ZMPSTE24: variants seen among roughly 807,000 people sequenced by gnomAD.
ZMPSTE24 encodes CAAX prenyl protease 1 homolog.
A neutral mutation model predicts 56.7 loss-of-function variants in ZMPSTE24; 48 were observed. The observed-to-expected ratio is 0.85, with a 90% CI of 0.67 to 1.08. The LOEUF (loss-of-function observed/expected upper bound fraction) is 1.08. Ranked by LOEUF, ZMPSTE24 falls within the 50% of genes least tolerant of loss-of-function variation. The pLI is 0.00. For missense variants in ZMPSTE24, 503 were observed against 548.7 expected (o/e 0.92, Z 0.83); for synonymous variants, 172 against 195.2 (o/e 0.88, Z 0.99).
chr1:40,267,607 C>T (rs368932194), intron 2 of ZMPSTE24, among the ~76,000 whole-genome samples, 179 bp from the exon 3 acceptor site: 8 of 147,726 alleles, frequency 5.4e-5, no homozygotes, highest in East Asian at 1.9e-4. Context: ...TGGCCTCAAG[C>T]GATGCTTCTG....
At position 40,271,865 on chromosome 1, in the gene ZMPSTE24, C is replaced by T. The variant is rs760754510; in HGVS notation, c.628-29C>T. ...AATGTTTTTTCTTTAAGAACATGTTCATATGTTATTCTGACATTTACTTTT... is the reference window on the plus strand; with the variant it reads ...AATGTTTTTTCTTTAAGAACATGTTTATATGTTATTCTGACATTTACTTTT... On this transcript the variant is annotated intron_variant, in intron 5 of 9. Coordinates refer to ENST00000372759, the MANE Select transcript of ZMPSTE24 (RefSeq NM_005857.5). The T allele has an allele frequency of 8.1e-6, 13 of 1,610,720 alleles. No homozygotes were observed. In the South Asian group the frequency reaches 1.4e-4, roughly 18 times the overall value.
At chr1:40,261,383 T>C (rs1270068709) in intron 2 of ZMPSTE24, among the ~76,000 whole-genome samples, 1 of 152,010 alleles carries the variant, frequency 6.6e-6, no homozygotes, top group African/African-American at 2.4e-5. Flanking sequence ...ACAGTCTTGC[T>C]CTGTCACCCA....
rs748601004 is a variant in ZMPSTE24, at chr1:40,292,580, G to A, written c.1339G>A (p.Val447Ile). The A allele has an allele frequency of 1.9e-6, 3 of 1,614,120 alleles. No individual in the cohort carries two copies. Among genetic ancestry groups the A allele is most frequent in the East Asian group, 2.2e-5 (1 of 44,870 alleles). The change falls in exon 10 of 10, where the codon GTT (valine) becomes ATT (isoleucine). Residue 447 changes from valine (V) to isoleucine (I), a missense_variant. Coordinates refer to ENST00000372759, the MANE Select transcript of ZMPSTE24 (RefSeq NM_005857.5). ...KLNKDNLGFPVSDWLFSMWHY... is the reference protein window; with the variant it reads ...KLNKDNLGFPISDWLFSMWHY... The stretch of plus-strand genomic sequence containing the variant: ...TAACAAAGATAACTTGGGATTCCCT[G>A]TTTCTGACTGGTTGTTCTCAATGTG...
At chr1:40,272,616 C>T (rs1025153776) in intron 6 of ZMPSTE24, among the ~76,000 whole-genome samples, 13 of 152,124 alleles carry the variant, frequency 8.5e-5, no homozygotes, top group Non-Finnish European at 1.6e-4. Flanking sequence ...GTCTCTTGAC[C>T]GTTACTCAAA....
intron 1 of ZMPSTE24, among the ~76,000 whole-genome samples, chr1:40,260,219 C>T (rs1446515384): frequency 6.6e-6 from 1 of 152,038 alleles, no homozygotes; most frequent in Non-Finnish European, 1.5e-5. Flanking sequence ...TACCACCACA[C>T]TCTGCTAATT....
chr1:40,267,585 G>A (rs1011671398), intron 2 of ZMPSTE24, among the ~76,000 whole-genome samples: 2 of 147,698 alleles, frequency 1.4e-5, no homozygotes, highest in African/African-American at 4.9e-5. Context: ...GCCCAGGCTG[G>A]TCTTGAATTC....
intron 1 of ZMPSTE24, 109 bp from the exon 2 acceptor site, chr1:40,260,730 A>G (rs2124575433): frequency 8.7e-7 from 1 of 1,144,736 alleles, no homozygotes. Flanking sequence ...GGTATAAAGC[A>G]AATTCAACAG....
intron 6 of ZMPSTE24, among the ~76,000 whole-genome samples, chr1:40,280,293 T>A (rs957876289): frequency 3.3e-5 from 5 of 152,166 alleles, no homozygotes; most frequent in African/African-American, 1.2e-4. Flanking sequence ...TTTGCAAACT[T>A]CTTGAACCAC....
At chr1:40,274,383 A>G (rs1003445471) in intron 6 of ZMPSTE24, among the ~76,000 whole-genome samples, 9 of 152,254 alleles carry the variant, frequency 5.9e-5, no homozygotes, top group Admixed American at 3.3e-4. Context: ...AAAGCCAAGA[A>G]TCTTGCTCTC....
intron 6 of ZMPSTE24, among the ~76,000 whole-genome samples, chr1:40,280,908 G>A (rs947899933): frequency 3.9e-5 from 6 of 152,210 alleles, no homozygotes; most frequent in South Asian, 2.1e-4. Context: ...TGCAAAAACC[G>A]CAATTACTTT....
chr1:40,258,481 T>A, intron 1 of ZMPSTE24, 87 bp downstream of exon 1: 2 of 1,601,826 alleles, frequency 1.2e-6, no homozygotes, highest in Admixed American at 3.3e-5. Flanking sequence ...CTTGATTGCT[T>A]CGGTCCCCGC....
intron 7 of ZMPSTE24, among the ~76,000 whole-genome samples, chr1:40,282,141 G>C (rs1029710710): frequency 5.9e-5 from 9 of 152,142 alleles, no homozygotes; most frequent in African/African-American, 2.2e-4. Context: ...AGTCTAAAGG[G>C]GAAATAGTCA....
At chr1:40,261,646 A>G (rs947534636) in intron 2 of ZMPSTE24, among the ~76,000 whole-genome samples, 3 of 152,146 alleles carry the variant, frequency 2.0e-5, no homozygotes, top group Non-Finnish European at 4.4e-5. Context: ...CTGGCATGTA[A>G]TCAGCATATA....
chr1:40,272,050 G>A lies in ZMPSTE24; in HGVS notation c.769+15G>A. 1 of 1,580,200 alleles carries A rather than the reference G, an allele frequency of 6.3e-7. No individual in the cohort carries two copies. Among genetic ancestry groups the A allele is most frequent in the Non-Finnish European group, 8.6e-7 (1 of 1,163,222 alleles). ...TGTTGTGGAAGGTAAGGCTACCTGG[G>A]GATAAGAAAGTTTTATCCAAGTGGT... is the stretch of plus-strand genomic sequence containing the variant. On this transcript the variant is annotated intron_variant, in intron 6 of 9. Coordinates refer to ENST00000372759, the MANE Select transcript of ZMPSTE24 (RefSeq NM_005857.5).
At chr1:40,262,680 C>T (rs1490946250) in intron 2 of ZMPSTE24, 2 of 274,478 alleles carry the variant, frequency 7.3e-6, no homozygotes, top group African/African-American at 2.3e-5. Context: ...TATCATTCTC[C>T]CCAAAAGCTA....
At chr1:40,289,190 G>A (rs1388609123) in intron 8 of ZMPSTE24, among the ~76,000 whole-genome samples, 1 of 152,210 alleles carries the variant, frequency 6.6e-6, no homozygotes, top group Non-Finnish European at 1.5e-5. Flanking sequence ...ACTTACTGGT[G>A]CCTTCATAAC....
At chr1:40,265,600 A>T (rs557995610) in intron 2 of ZMPSTE24, among the ~76,000 whole-genome samples, 1 of 152,208 alleles carries the variant, frequency 6.6e-6, no homozygotes, top group Admixed American at 6.5e-5. Context: ...GGGGGCTGAC[A>T]TGGAAAGATC....
intron 6 of ZMPSTE24, among the ~76,000 whole-genome samples, chr1:40,279,755 T>TG (rs148970196): frequency 0.013 from 2,006 of 152,296 alleles, 49 homozygotes; most frequent in African/African-American, 0.045. Context: ...TTGCAGGCGT[T>TG]GCAATTTTCT....
intron 8 of ZMPSTE24, among the ~76,000 whole-genome samples, chr1:40,288,756 G>A (rs563775227): frequency 6.6e-6 from 1 of 152,192 alleles, no homozygotes; most frequent in African/African-American, 2.4e-5. Context: ...CAGTAATTTT[G>A]GAAGTTTTTC....
Sources: allele counts gnomAD v4.1 joint callset (sites outside exome capture counted in the v4.1 genomes callset), GRCh38; gene constraint gnomAD v4.1.1; transcripts MANE v1.5; gene names NCBI Gene and HGNC (gene_info 2026-07-23, HGNC 2026-07-21).